The following KLF12 variants were observed in gnomAD, a reference collection of about 807,000 sequenced individuals.
KLF12 encodes Krueppel-like factor 12.
A neutral mutation model predicts 37.8 loss-of-function variants in KLF12; 9 were observed. The ratio of observed to expected loss-of-function variants is 0.24; its 90% CI spans 0.14 to 0.42. KLF12 has a LOEUF of 0.42. Ranked by LOEUF, KLF12 falls within the 10% of genes least tolerant of loss-of-function variation. The pLI, the probability that KLF12 is intolerant of heterozygous loss-of-function variation, is 1.00. For missense variants in KLF12, 411 were observed against 516.0 expected, an observed-to-expected ratio of 0.80 and a Z score of 1.97; for synonymous variants, 208 against 202.1, an observed-to-expected ratio of 1.03 and a Z score of -0.25.
the KLF12 span, among the ~76,000 whole-genome samples, chr13:74,242,125 A>G: frequency 6.6e-6 from 1 of 152,238 alleles, no homozygotes; most frequent in Non-Finnish European, 1.5e-5. Flanking sequence ...GTTACTACTT[A>G]CAGGAAGTAT....
the KLF12 span, among the ~76,000 whole-genome samples, chr13:74,165,067 A>G: frequency 6.6e-6 from 1 of 152,218 alleles, no homozygotes; most frequent in African/African-American, 2.4e-5. Flanking sequence ...TGTTTGTAAC[A>G]CAAAGAAATG....
intron 1 of KLF12, among the ~76,000 whole-genome samples, chr13:74,047,913 A>G (rs1893588603): frequency 6.6e-6 from 1 of 152,208 alleles, no homozygotes; most frequent in African/African-American, 2.4e-5. Context: ...GACATTACTG[A>G]AGTTTCTATT....
chr13:74,100,448 T>C (rs1876264876), intron 1 of KLF12, among the ~76,000 whole-genome samples: 1 of 152,070 alleles, frequency 6.6e-6, no homozygotes, highest in Admixed American at 6.6e-5. Flanking sequence ...CAAAACCCCA[T>C]TTCCACTAAA....
the KLF12 span, among the ~76,000 whole-genome samples, chr13:74,141,215 G>C: frequency 2.0e-5 from 3 of 152,116 alleles, no homozygotes; most frequent in Admixed American, 2.0e-4. Flanking sequence ...TTTGAGGAAG[G>C]GGTACAAAGA....
intron 3 of KLF12, among the ~76,000 whole-genome samples, chr13:73,904,957 C>A (rs991133807): frequency 1.2e-3 from 160 of 138,608 alleles, no homozygotes; most frequent in Non-Finnish European, 1.2e-3. Context: ...TTATCCTAAG[C>A]AAAAAAAAAA....
At chr13:73,897,875 G>A (rs1475227849) in intron 3 of KLF12, among the ~76,000 whole-genome samples, 1 of 152,026 alleles carries the variant, frequency 6.6e-6, no homozygotes, top group Admixed American at 6.5e-5. Context: ...TTTCAAACTT[G>A]TCTCATAATG....
chr13:74,224,216 T>A, the KLF12 span, among the ~76,000 whole-genome samples: 1 of 152,182 alleles, frequency 6.6e-6, no homozygotes, highest in South Asian at 2.1e-4. Context: ...CTATTGATCA[T>A]CTGCAGAAAT....
chr13:74,029,896 G>A (rs997912544), intron 1 of KLF12, among the ~76,000 whole-genome samples: 7 of 152,046 alleles, frequency 4.6e-5, no homozygotes, highest in African/African-American at 1.7e-4. Flanking sequence ...GGAAGCTGAA[G>A]TGAAAAAGTA....
At chr13:74,228,054 G>T in the KLF12 span, among the ~76,000 whole-genome samples, 2 of 152,076 alleles carry the variant, frequency 1.3e-5, no homozygotes, top group Non-Finnish European at 2.9e-5. Context: ...ACAGATTGCT[G>T]TGGAAATATA....
chr13:73,789,589 G>A (rs1439676719), intron 5 of KLF12, among the ~76,000 whole-genome samples: 1 of 151,874 alleles, frequency 6.6e-6, no homozygotes, highest in Non-Finnish European at 1.5e-5. Flanking sequence ...AATATCTTCT[G>A]TGTTCTTCCC....
At chr13:73,735,477 A>C (rs566855666) in intron 6 of KLF12, among the ~76,000 whole-genome samples, 1 of 152,288 alleles carries the variant, frequency 6.6e-6, no homozygotes, top group East Asian at 1.9e-4. Flanking sequence ...TCAGGAAGTC[A>C]TCCTGGAGGG....
chr13:73,695,583 C>T lies in KLF12; in HGVS notation c.1116G>A (p.Thr372=), dbSNP rs934358002. Residue 372 remains threonine, a synonymous_variant, in exon 8 of 8, where the codon ACG becomes ACA. Coordinates refer to ENST00000377669, the MANE Select transcript of KLF12 (RefSeq NM_007249.5). ...CCGCGCACTTGAATGGCTTCACTCC[C>T]GTATGTTTGCGGTAATGCCTCGTCA... 77 of 1,613,952 alleles carry T rather than the reference C, an allele frequency of 4.8e-5. No homozygotes were observed. The highest frequency in any genetic ancestry group is 5.8e-5 in the Non-Finnish European group (69 of 1,179,964).
chr13:73,852,577 T>C (rs1885387022), intron 3 of KLF12, among the ~76,000 whole-genome samples: 1 of 152,000 alleles, frequency 6.6e-6, no homozygotes, highest in African/African-American at 2.4e-5. Flanking sequence ...GGTTAGGAGT[T>C]CAAGACCAGC....
intron 5 of KLF12, among the ~76,000 whole-genome samples, chr13:73,769,573 C>A (rs549302078): frequency 1.3e-5 from 2 of 152,252 alleles, no homozygotes; most frequent in African/African-American, 2.4e-5. Flanking sequence ...AAAAGAGGCT[C>A]CAACTGAGCT....
chr13:73,830,284 TATC>T (rs35346007), intron 4 of KLF12, among the ~76,000 whole-genome samples: 33,736 of 151,940 alleles, frequency 0.22, 4,068 homozygotes, highest in East Asian at 0.47. Context: ...TCCTATGACA[TATC>T]ATGATACCAA....
At chr13:74,175,180 A>C in the KLF12 span, among the ~76,000 whole-genome samples, 1 of 152,208 alleles carries the variant, frequency 6.6e-6, no homozygotes, top group Non-Finnish European at 1.5e-5. Flanking sequence ...AATTCTGCAA[A>C]GTTGCATCCT....
chr13:73,725,041 T>C (rs571799996), intron 6 of KLF12, among the ~76,000 whole-genome samples: 1 of 152,348 alleles, frequency 6.6e-6, no homozygotes, highest in South Asian at 2.1e-4. Context: ...TGTGGCTTAT[T>C]TGCCACTCTA....
intron 5 of KLF12, among the ~76,000 whole-genome samples, chr13:73,780,789 G>A (rs1880918432): frequency 2.0e-5 from 3 of 152,210 alleles, no homozygotes; most frequent in Non-Finnish European, 2.9e-5. Flanking sequence ...ATGAATTAAA[G>A]AAGCAGTTTG....
At chr13:73,994,574 T>C (rs1178055937) in intron 2 of KLF12, among the ~76,000 whole-genome samples, 2 of 152,008 alleles carry the variant, frequency 1.3e-5, no homozygotes, top group Non-Finnish European at 2.9e-5. Context: ...TTCAGGGGCA[T>C]AGGACTGCAT....
Sources: allele counts gnomAD v4.1 joint callset (sites outside exome capture counted in the v4.1 genomes callset), GRCh38; gene constraint gnomAD v4.1.1; transcripts MANE v1.5; gene names NCBI Gene and HGNC (gene_info 2026-07-23, HGNC 2026-07-21).